Variants in COL6A3 observed in about 807,000 individuals in gnomAD.
COL6A3 encodes the protein collagen alpha-3(VI) chain.
COL6A3 carries 137 observed loss-of-function variants against 274.1 expected under a neutral mutation model. The observed-to-expected ratio is 0.50, with a 90% confidence interval of 0.44 to 0.58. The LOEUF is 0.58. Among genes scored for constraint, COL6A3 ranks in the 20% least tolerant of loss-of-function variants. The pLI is 0.00. For missense variants in COL6A3, 3,950 were observed against 4,124.9 expected (o/e 0.96, Z 1.16); for synonymous variants, 1,650 against 1,650.6 (o/e 1.00, Z 0.01).
rs34934127 is a variant in COL6A3, at chr2:237,381,026, C to A, written c.1786G>T (p.Ala596Ser). The A allele has an allele frequency of 3.8e-3, 6,104 of 1,614,130 alleles. 187 individuals are homozygous for A. The African/African-American group carries it at 0.066, about 18-fold the overall frequency. ...GADQAELEEI[A>S]FDSSLVFIPA... is the part of the protein sequence containing the mutation. ...ATGAACACCAGGGAGGAGTCGAAAG[C>A]GATCTCTTCCAGCTCAGCCTGATCG... Residue 596 changes from alanine to serine, a missense_variant, in exon 5 of 44, where the codon GCT becomes TCT. Transcript: ENST00000295550.
In COL6A3 at chr2:237,336,221, G is replaced by C. The variant is rs769449543; in HGVS notation, c.8879C>G (p.Ala2960Gly). 2 of 1,285,858 alleles carry C rather than the reference G, an allele frequency of 1.6e-6. No homozygotes were observed. The highest frequency in any genetic ancestry group is 1.4e-5 in the African/African-American group (1 of 72,066). The allele number at this position is 1,285,858 out of a possible 1,614,324, so 79.7% of individuals were successfully genotyped here. ...CTCAGGCTTGGTCGCCACTGGTTTT[G>C]CAGCAGCAGCAGCGGGGGGTCTTAC... ...AAVRPPAAAA[A>G]KPVATKPEVP... The change falls in exon 40 of 44, where the codon GCA (alanine) becomes GGA (glycine). Residue 2960 changes from alanine to glycine, a missense_variant. By Grantham distance (60) the Ala-to-Gly change is moderately conservative. Coordinates refer to ENST00000295550, the MANE Select transcript of COL6A3 (RefSeq NM_004369.4).
rs2077618299 is a variant in COL6A3 at position 237,368,899 on chromosome 2, A to C, written c.4564T>G (p.Phe1522Val). ...TTAACAAAGAGGTTTCTTGCCACAA[A>C]TTCGAGAGCCTTGCCAGTGTTCAGT... Reference protein sequence around the residue: ...SPLNTGKALEFVARNLFVKSA... With the variant: ...SPLNTGKALEVVARNLFVKSA... The change falls in exon 10 of 44, where the codon TTT (phenylalanine) becomes GTT (valine). Residue 1522 changes from phenylalanine (F) to valine (V), a missense_variant. Transcript: ENST00000295550. This position sits in a 1 kb window ranked among gnomAD's most constrained non-coding sequence, Gnocchi z 4.4. 1.2e-6 allele frequency: 2 copies of C among 1,614,174 alleles called. No homozygotes were observed. Among genetic ancestry groups the C allele is most frequent in the Non-Finnish European group, 8.5e-7 (1 of 1,180,016 alleles).
At chr2:237,327,754 A>G (rs960556863) in intron 42 of COL6A3, 1 of 152,116 alleles carries the variant, frequency 6.6e-6, no homozygotes, top group African/African-American at 2.4e-5. Context: ...CAAACTCCAC[A>G]TAATCTTGAC....
intron 43 of COL6A3, 43 bp from the exon 44 acceptor site, chr2:237,324,857 C>T (rs534981873): frequency 1.5e-5 from 24 of 1,606,614 alleles, no homozygotes; most frequent in Middle Eastern, 1.6e-4. Flanking sequence ...GGTGAGGAGC[C>T]GAGAGAAGAG....
In COL6A3 at chr2:237,372,003, C is replaced by T; in HGVS notation, c.4014G>A (p.Gln1338=). The T allele has an allele frequency of 1.2e-6, 2 of 1,614,164 alleles. No homozygotes were observed. Among genetic ancestry groups the T allele is most frequent in the Non-Finnish European group, 8.5e-7 (1 of 1,180,034 alleles). Residue 1338 remains glutamine, a synonymous_variant, in exon 9 of 44, where the codon CAG becomes CAA. Coordinates refer to ENST00000295550, the MANE Select transcript of COL6A3 (RefSeq NM_004369.4). ...TTCCAGACGAGATGAGGACCAGGAA[C>T]TGCGGGACGCCCTCTTCAATGCGGC... The part of the protein sequence containing the change: ...LGSRIEEGVP[Q]FLVLISSGKS...
intron 22 of COL6A3, 100 bp downstream of exon 22, chr2:237,357,717 A>C: frequency 8.2e-7 from 1 of 1,219,328 alleles, no homozygotes; most frequent in Non-Finnish European, 1.2e-6. Context: ...GCAGTGTTAA[A>C]GGCCACGTCT....
In COL6A3 at chr2:237,365,748, G is replaced by C; in HGVS notation, c.5788C>G (p.Leu1930Val). The C allele has an allele frequency of 2.5e-6, 4 of 1,614,208 alleles. No individual in the cohort carries two copies. Among genetic ancestry groups the C allele is most frequent in the Non-Finnish European group, 3.4e-6 (4 of 1,180,042 alleles). Residue 1930 changes from leucine (L) to valine (V), a missense_variant, in exon 12 of 44, where the codon CTG becomes GTG. By Grantham distance (32) the Leu-to-Val change is conservative (BLOSUM62 1). Around this residue, in one of 5 missense-constraint regions of COL6A3, gnomAD observed 632 missense variants for 623.4 expected, o/e 1.01. Coordinates refer to ENST00000295550, the MANE Select transcript of COL6A3 (RefSeq NM_004369.4). ...QHPYVLTEDT[L>V]KVYLNKFRQS... The stretch of plus-strand genomic sequence containing the variant: ...CTGAACTTGTTCAGGTAGACCTTCA[G>C]GGTGTCCTCCGTGAGGACGTAGGGG...
At chr2:237,353,836 G>A (rs896129876) in intron 24 of COL6A3, among the ~76,000 whole-genome samples, 16 of 152,194 alleles carry the variant, frequency 1.1e-4, no homozygotes, top group African/African-American at 3.4e-4. Context: ...CTGCAGAAGA[G>A]GCTGTTTAAG....
Position 237,344,281 on chromosome 2 carries a change from A to T in COL6A3, c.7668+69T>A. 6.2e-7 allele frequency: 1 copy of T among 1,610,474 alleles called. No homozygotes were observed. Among genetic ancestry groups the T allele is most frequent in the Non-Finnish European group, 8.5e-7 (1 of 1,177,656 alleles). On this transcript the variant is annotated intron_variant, in intron 36 of 43. Transcript: ENST00000295550. The surrounding 1 kb of genome is among the most constrained non-coding windows in gnomAD (Gnocchi z 4.8). ...GACATGAAGCCACAAAGGAGCATGG[A>T]CGTGTCTGAGAACCTTCTCAGAGCC...
intron 4 of COL6A3, among the ~76,000 whole-genome samples, chr2:237,384,131 C>T (rs1312416346): frequency 6.6e-6 from 1 of 152,100 alleles, no homozygotes; most frequent in Non-Finnish European, 1.5e-5. Flanking sequence ...GACTCTGACG[C>T]AATTCACCTA....
In COL6A3 at chr2:237,340,980, C is replaced by G. The variant is rs1419214464; in HGVS notation, c.7936G>C (p.Val2646Leu). ...NEMKKYIAYL[V>L]RQLDMSPDPK... ...TCTGGGCTCATGTCCAGTTGTCTGA[C>G]CAGGTACGCTATGTACTTCTTCATC... The change falls in exon 38 of 44, where the codon GTC becomes CTC. Residue 2646 changes from valine to leucine, a missense_variant. This residue lies in a region of COL6A3 where 1,284 missense variants were observed against 1,349.7 expected (regional missense o/e 0.95). Coordinates refer to ENST00000295550, the MANE Select transcript of COL6A3 (RefSeq NM_004369.4). The G allele has an allele frequency of 6.2e-6, 10 of 1,614,138 alleles. No individual in the cohort carries two copies. The highest frequency in any genetic ancestry group is 6.8e-6 in the Non-Finnish European group (8 of 1,180,020).
Position 237,365,891 on chromosome 2 carries a change from G to C in COL6A3, c.5645C>G (p.Ser1882Trp). ...CACCACTGACACACGCACGGTGGGC[G>C]AGCGGCCACCGCTGCAGCTGACCCT... The part of the protein sequence containing the change: ...MHRVSCSGGR[S>W]PTVRVSVVAN... The change falls in exon 12 of 44, where the codon TCG becomes TGG. Residue 1882 changes from serine (S) to tryptophan (W), a missense_variant. Ser to Trp is a radical substitution (Grantham distance 177). This residue lies in a region of COL6A3 where 632 missense variants were observed against 623.4 expected (regional missense o/e 1.01). Coordinates refer to ENST00000295550, the MANE Select transcript of COL6A3 (RefSeq NM_004369.4). The C allele has an allele frequency of 1.2e-6, 2 of 1,614,150 alleles. No homozygotes were observed. Among genetic ancestry groups the C allele is most frequent in the Non-Finnish European group, 1.7e-6 (2 of 1,180,026 alleles).
rs772199961 is a variant in COL6A3, at chr2:237,333,509, G to T, written c.9269C>A (p.Ala3090Asp). 3 of 1,614,206 alleles carry T rather than the reference G, an allele frequency of 1.9e-6. No homozygotes were observed. Among genetic ancestry groups the T allele is most frequent in the Non-Finnish European group, 2.5e-6 (3 of 1,180,032 alleles). ...QPPPPQPARSASSSTINLMVS... is the reference protein window; with the variant it reads ...QPPPPQPARSDSSSTINLMVS... ...CATTAGATTGATGGTTGAACTAGAA[G>T]CTGACCTTGCTGGCTGTGGAGGTGG... Residue 3090 changes from alanine to aspartate, a missense_variant, in exon 42 of 44, where the codon GCT (alanine) becomes GAT (aspartate). Around this residue, in one of 5 missense-constraint regions of COL6A3, gnomAD observed 1,284 missense variants for 1,349.7 expected, o/e 0.95. Coordinates refer to ENST00000295550, the MANE Select transcript of COL6A3 (RefSeq NM_004369.4).
chr2:237,326,491 G>A (rs958175614), intron 42 of COL6A3: 1 of 152,178 alleles, frequency 6.6e-6, no homozygotes, highest in Non-Finnish European at 1.5e-5. Flanking sequence ...AGGTCCCCTC[G>A]ACGCCTGGAG....
chr2:237,408,005 C>A (rs1015737667), intron 1 of COL6A3, among the ~76,000 whole-genome samples: 3 of 152,206 alleles, frequency 2.0e-5, no homozygotes, highest in Non-Finnish European at 4.4e-5. Context: ...AACTAAGGTG[C>A]TACTGACCTT....
Position 237,374,613 on chromosome 2 carries a change from C to A in COL6A3, c.3478G>T (p.Ala1160Ser). The A allele has an allele frequency of 6.2e-7, 1 of 1,614,200 alleles. No individual in the cohort carries two copies. Among genetic ancestry groups the A allele is most frequent in the Non-Finnish European group, 8.5e-7 (1 of 1,180,040 alleles). Residue 1160 changes from alanine to serine, a missense_variant, in exon 8 of 44, where the codon GCT becomes TCT. Ala to Ser is a moderately conservative substitution (Grantham distance 99, BLOSUM62 1). Around this residue, in one of 5 missense-constraint regions of COL6A3, gnomAD observed 1,934 missense variants for 1,984.3 expected, o/e 0.97. Transcript: ENST00000295550. This position sits in a 1 kb window ranked among gnomAD's most constrained non-coding sequence, Gnocchi z 4.8. Reference protein sequence around the residue: ...NPSVVVKRGGAVPIGIGIGNA... With the variant: ...NPSVVVKRGGSVPIGIGIGNA... ...CCGATGCCAATGCCAATGGGCACAGCCCCACCCCTCTTCACGACCACGGAG... is the reference window on the plus strand; with the variant it reads ...CCGATGCCAATGCCAATGGGCACAGACCCACCCCTCTTCACGACCACGGAG...
rs1221230769 is a variant in COL6A3, at chr2:237,379,012, C to T, written c.2121G>A (p.Arg707=). 1.9e-6 allele frequency: 3 copies of T among 1,614,048 alleles called. No homozygotes were observed. Among genetic ancestry groups the T allele is most frequent in the Non-Finnish European group, 2.5e-6 (3 of 1,180,038 alleles). ...QTKSDILGHL[R]QLQLQGGSGL... Reference sequence around the variant, plus strand: ...CCGAACCTCCCTGGAGCTGCAGCTGCCTCAGATGACCAAGGATATCTGACT... The same window carrying T: ...CCGAACCTCCCTGGAGCTGCAGCTGTCTCAGATGACCAAGGATATCTGACT... Residue 707 remains arginine, a synonymous_variant, in exon 6 of 44, where the codon AGG becomes AGA. Transcript: ENST00000295550.
In COL6A3 at chr2:237,387,677, C is replaced by T. The variant is rs753651742; in HGVS notation, c.1217G>A (p.Arg406His). ...TTTCTCCTGGAGGTCCCCAAAGCTA[C>T]GGAATTCCGGGACAGTAAACACCAA... is the stretch of plus-strand genomic sequence containing the variant. ...DNLVFTVPEFRSFGDLQEKLL... is the reference protein window; with the variant it reads ...DNLVFTVPEFHSFGDLQEKLL... Residue 406 changes from arginine (R) to histidine (H), a missense_variant, in exon 4 of 44, where the codon CGT (arginine) becomes CAT (histidine). Physicochemically the swap from Arg to His is conservative, Grantham distance 29 (BLOSUM62 0). Coordinates refer to ENST00000295550, the MANE Select transcript of COL6A3 (RefSeq NM_004369.4). 17 of 1,613,784 alleles carry T rather than the reference C, an allele frequency of 1.1e-5. No homozygotes were observed. The highest frequency in any genetic ancestry group is 5.3e-5 in the African/African-American group (4 of 74,914).
chr2:237,328,558 G>A (rs1330800419), intron 42 of COL6A3: 1 of 152,244 alleles, frequency 6.6e-6, no homozygotes, highest in African/African-American at 2.4e-5. Context: ...CAGCAATGCT[G>A]TCACAATGAG....
Sources: allele counts gnomAD v4.1 joint callset (sites outside exome capture counted in the v4.1 genomes callset), GRCh38; gene constraint gnomAD v4.1.1; regional missense constraint gnomAD v4.1.1; non-coding constraint Gnocchi (gnomAD v3.1); transcripts MANE v1.5; gene names NCBI Gene and HGNC (gene_info 2026-07-23, HGNC 2026-07-21).